The following FAM120AOS variants were observed in gnomAD, a reference collection of about 807,000 sequenced individuals.
FAM120AOS encodes family with sequence similarity 120 member A opposite strand.
FAM120AOS carries 15 observed loss-of-function variants against 20.2 expected under a neutral mutation model. The ratio of observed to expected loss-of-function variants is 0.74; its 90% confidence interval spans 0.50 to 1.15. The LOEUF (loss-of-function observed/expected upper bound fraction) is 1.15. Ranked by LOEUF, FAM120AOS falls within the 50% of genes most tolerant of loss-of-function variation. The probability of loss-of-function intolerance (pLI) is 0.00; values close to 1 mark genes in which losing one functional copy is unlikely to be tolerated. For missense variants in FAM120AOS, 327 were observed against 351.9 expected, an observed-to-expected ratio of 0.93 and a Z score of 0.57; for synonymous variants, 154 against 154.0, an observed-to-expected ratio of 1.00 and a Z score of 0.00.
rs1304383792 is a variant in FAM120AOS at position 93,443,548 on chromosome 9, T to C, written c.*4063A>G. Among the ~76,000 whole-genome samples, 1 of 152,238 alleles carries C rather than the reference T, an allele frequency of 6.6e-6. No individual in the cohort carries two copies. Among genetic ancestry groups the C allele is most frequent in the Non-Finnish European group, 1.5e-5 (1 of 68,034 alleles). On this transcript the variant is annotated 3_prime_UTR_variant, in exon 3 of 3. Coordinates refer to ENST00000375412, the MANE Select transcript of FAM120AOS (RefSeq NM_198841.4). Reference sequence around the variant, plus strand: ...TTTTATGTTGGGAGACTCTGTGTTCTGCTAAAATTCCCTGAAGAATGTTTC... The same window carrying C: ...TTTTATGTTGGGAGACTCTGTGTTCCGCTAAAATTCCCTGAAGAATGTTTC...
In FAM120AOS at chr9:93,445,575, A is replaced by C. The variant is rs1264788086; in HGVS notation, c.*2036T>G. Among the ~76,000 whole-genome samples the C allele has an allele frequency of 6.7e-6, 1 of 148,506 alleles. No individual in the cohort carries two copies. Among genetic ancestry groups the C allele is most frequent in the East Asian group, 2.0e-4 (1 of 5,032 alleles). ...AATCCTGGTTCTCCAACTTTCATAAAAATCGTTGTTTTTTTTTTTTTTTTT... is the reference window on the plus strand; with the variant it reads ...AATCCTGGTTCTCCAACTTTCATAACAATCGTTGTTTTTTTTTTTTTTTTT... On this transcript the variant is annotated 3_prime_UTR_variant, in exon 3 of 3. Transcript: ENST00000375412.
At chr9:93,450,898 T>A in intron 1 of FAM120AOS, 1 of 1,004,826 alleles carries the variant, frequency 1.0e-6, no homozygotes, top group Admixed American at 2.0e-5. Flanking sequence ...CGTTTCAGTC[T>A]AGCCATTGCG....
At chr9:93,451,929 G>A in intron 1 of FAM120AOS, 1 of 1,489,338 alleles carries the variant, frequency 6.7e-7, no homozygotes, top group South Asian at 1.3e-5. Context: ...GGCGTGCAGG[G>A]CTTCCAGGAC....
rs71364380 is a variant in FAM120AOS at position 93,445,583 on chromosome 9, GTTTTTTTTTTT to G, written c.*2017_*2027del. On this transcript the variant is annotated 3_prime_UTR_variant, in exon 3 of 3. Transcript: ENST00000375412. ...TTCTCCAACTTTCATAAAAATCGTT[GTTTTTTTTTTT>G]TTTTTTTTTTTTTGAGACAAGGCCT... 1.4e-4 allele frequency among the ~76,000 whole-genome samples: 11 copies of G among 80,098 alleles called. No homozygotes were observed. In the East Asian group the frequency reaches 1.7e-3, roughly 12 times the overall value. The allele number at this position is 80,098 out of a possible 152,430, so 52.5% of individuals were successfully genotyped here. A position where few individuals can be genotyped will look rare whatever the true frequency, so the allele number is the denominator to read the frequency against.
chr9:93,450,520 G>T lies in FAM120AOS; in HGVS notation c.643C>A (p.His215Asn), dbSNP rs1358181219. The change falls in exon 2 of 3, where the codon CAC (histidine) becomes AAC (asparagine). Residue 215 changes from histidine to asparagine, a missense_variant. His to Asn is a moderately conservative substitution (Grantham distance 68). This residue lies in a region of FAM120AOS where 86 missense variants were observed against 82.9 expected (regional missense o/e 1.04). Coordinates refer to ENST00000375412, the MANE Select transcript of FAM120AOS (RefSeq NM_198841.4). Reference sequence around the variant, plus strand: ...ATGGGGGCTTCTTTGGCCAAACCGTGCGCGTGCAGGCTCCATGTGCTGGGC... The same window carrying T: ...ATGGGGGCTTCTTTGGCCAAACCGTTCGCGTGCAGGCTCCATGTGCTGGGC... ...LLPSTWSLHA[H>N]GLAKEAPILP... 1 of 1,600,150 alleles carries T rather than the reference G, an allele frequency of 6.2e-7. No individual in the cohort carries two copies. The highest frequency in any genetic ancestry group is 1.8e-5 in the Admixed American group (1 of 56,660).
Position 93,445,702 on chromosome 9 carries a change from C to T in FAM120AOS, c.*1909G>A, listed in dbSNP as rs1856827219. Reference sequence around the variant, plus strand: ...ACCACCTTGGCTCAAGTAGTCTTCCCACCTCAGCCTCCTGAGAAGATGGGA... The same window carrying T: ...ACCACCTTGGCTCAAGTAGTCTTCCTACCTCAGCCTCCTGAGAAGATGGGA... On this transcript the variant is annotated 3_prime_UTR_variant, in exon 3 of 3. Coordinates refer to ENST00000375412, the MANE Select transcript of FAM120AOS (RefSeq NM_198841.4). Among the ~76,000 whole-genome samples, 1 of 150,866 alleles carries T rather than the reference C, an allele frequency of 6.6e-6. No individual in the cohort carries two copies. Among genetic ancestry groups the T allele is most frequent in the Non-Finnish European group, 1.5e-5 (1 of 67,880 alleles).
At position 93,444,286 on chromosome 9, in the gene FAM120AOS, C is replaced by T. The variant is rs139396844; in HGVS notation, c.*3325G>A. 0.051 allele frequency among the ~76,000 whole-genome samples: 7,820 copies of T among 152,120 alleles called. 282 individuals carry two copies. The highest frequency in any genetic ancestry group is 0.073 in the Non-Finnish European group (4,973 of 67,976). ...AACTCCTGACTTCAGGTGATCCACC[C>T]GTCTTGGCCTCCCAAAGTGCTGGGA... On this transcript the variant is annotated 3_prime_UTR_variant, in exon 3 of 3. Coordinates refer to ENST00000375412, the MANE Select transcript of FAM120AOS (RefSeq NM_198841.4).
rs1193696288 is a variant in FAM120AOS at position 93,444,020 on chromosome 9, CAG to C, written c.*3589_*3590del. ...CTGGCTGGAAAGACAGGTTTTCTCTCAGGGGAATTTTTTTGTTTGTTTTTGTT... is the reference window on the plus strand; with the variant it reads ...CTGGCTGGAAAGACAGGTTTTCTCTCGGGAATTTTTTTGTTTGTTTTTGTT... On this transcript the variant is annotated 3_prime_UTR_variant, in exon 3 of 3. Transcript: ENST00000375412. Among the ~76,000 whole-genome samples, 4 of 152,102 alleles carry C rather than the reference CAG, an allele frequency of 2.6e-5. No homozygotes were observed. Among genetic ancestry groups the C allele is most frequent in the African/African-American group, 9.7e-5 (4 of 41,398 alleles).
rs1857364299 is a variant in FAM120AOS, at chr9:93,453,211, G to C, written c.-502C>G. The C allele has an allele frequency of 4.5e-5, 45 of 1,004,702 alleles. No homozygotes were observed. The South Asian group carries it at 1.5e-3, about 33-fold the overall frequency. The allele number at this position is 1,004,702 out of a possible 1,614,324, so 62.2% of individuals were successfully genotyped here. On this transcript the variant is annotated 5_prime_UTR_variant, in exon 1 of 3. Transcript: ENST00000375412. The stretch of plus-strand genomic sequence containing the variant: ...GCAGGATTTATTTTTCGGGTGCACA[G>C]TAAGTATTCAGTGACCTTCAGCGGT...
In FAM120AOS at chr9:93,452,680, A is replaced by G. The variant is rs1362095205; in HGVS notation, c.30T>C (p.Asp10=). The part of the protein sequence containing the change: MGKTKDIGD[D]DTVASEFWSG... ...ACCAGAATTCGGAGGCGACAGTGTC[A>G]TCATCCCCAATATCCTTAGTTTTTC... is the stretch of plus-strand genomic sequence containing the variant. The change falls in exon 1 of 3, where the codon GAT becomes GAC. Residue 10 remains aspartate (D), a synonymous_variant. Coordinates refer to ENST00000375412, the MANE Select transcript of FAM120AOS (RefSeq NM_198841.4). The surrounding 1 kb of genome is among the most constrained non-coding windows in gnomAD (Gnocchi z 7.0). The G allele has an allele frequency of 3.8e-6, 6 of 1,598,654 alleles. No homozygotes were observed. Among genetic ancestry groups the G allele is most frequent in the Non-Finnish European group, 5.1e-6 (6 of 1,179,928 alleles).
chr9:93,453,526 A>T lies in FAM120AOS; in HGVS notation c.-817T>A. The T allele has an allele frequency of 1.0e-6, 1 of 985,438 alleles. No homozygotes were observed. The highest frequency in any genetic ancestry group is 1.2e-6 in the Non-Finnish European group (1 of 829,936). 61.0% of individuals were successfully genotyped at this position (985,438 alleles called of 1,614,324 possible). ...ACTGCTGGAGCTGAAAGTTTGTGAA[A>T]TTCTGTCTTCGCGGTTGCCCCCACT... On this transcript the variant is annotated 5_prime_UTR_variant, in exon 1 of 3. Transcript: ENST00000375412.
At chr9:93,451,594 C>T in intron 1 of FAM120AOS, 4 of 983,642 alleles carry the variant, frequency 4.1e-6, no homozygotes, top group South Asian at 4.6e-5. Context: ...CGCCTGCTAG[C>T]CGGCGGGCCT....
Position 93,453,364 on chromosome 9 carries a change from C to T in FAM120AOS, c.-655G>A, listed in dbSNP as rs1857377610. The T allele has an allele frequency of 2.0e-6, 2 of 985,432 alleles. No individual in the cohort carries two copies. The highest frequency in any genetic ancestry group is 1.2e-6 in the Non-Finnish European group (1 of 830,010). The allele number at this position is 985,432 out of a possible 1,614,324, so 61.0% of individuals were successfully genotyped here. A position where few individuals can be genotyped will look rare whatever the true frequency, so the allele number is the denominator to read the frequency against. ...CCAGCAGTGACTGTGAAGATAAGCA[C>T]ATCCATGATCCTGGACTTCACGTTC... On this transcript the variant is annotated 5_prime_UTR_variant, in exon 1 of 3. The change creates a new upstream start codon in the 5' untranslated region. Transcript: ENST00000375412.
Position 93,443,544 on chromosome 9 carries a change from G to A in FAM120AOS, c.*4067C>T, listed in dbSNP as rs1334843145. Among the ~76,000 whole-genome samples the A allele has an allele frequency of 2.0e-5, 3 of 152,214 alleles. No individual in the cohort carries two copies. Among genetic ancestry groups the A allele is most frequent in the Non-Finnish European group, 4.4e-5 (3 of 68,042 alleles). The stretch of plus-strand genomic sequence containing the variant: ...TCTGTTTTATGTTGGGAGACTCTGT[G>A]TTCTGCTAAAATTCCCTGAAGAATG... On this transcript the variant is annotated 3_prime_UTR_variant, in exon 3 of 3. Transcript: ENST00000375412.
chr9:93,449,748 C>T (rs573665274), intron 2 of FAM120AOS, among the ~76,000 whole-genome samples: 1 of 151,258 alleles, frequency 6.6e-6, no homozygotes. Context: ...GGCCTCCCAA[C>T]GTGCTGGGAT....
rs530975085 is a variant in FAM120AOS, at chr9:93,447,272, C to A, written c.*339G>T. 1.9e-4 allele frequency: 45 copies of A among 232,242 alleles called. No individual in the cohort carries two copies. Among genetic ancestry groups the A allele is most frequent in the African/African-American group, 9.8e-4 (44 of 44,998 alleles). 14.4% of individuals were successfully genotyped at this position (232,242 alleles called of 1,614,324 possible). ...TGTCTGTCTACCTTGGTAGGTTGGG[C>A]TCCTTGAAGAAGGGTTATGTTTTCT... On this transcript the variant is annotated 3_prime_UTR_variant, in exon 3 of 3. Transcript: ENST00000375412.
rs1442284607 is a variant in FAM120AOS at position 93,447,270 on chromosome 9, G to C, written c.*341C>G. The C allele has an allele frequency of 1.3e-5, 3 of 230,392 alleles. No homozygotes were observed. The highest frequency in any genetic ancestry group is 6.7e-5 in the African/African-American group (3 of 44,816). The allele number at this position is 230,392 out of a possible 1,614,324, so 14.3% of individuals were successfully genotyped here. A position where few individuals can be genotyped will look rare whatever the true frequency, so the allele number is the denominator to read the frequency against. ...TATGTCTGTCTACCTTGGTAGGTTG[G>C]GCTCCTTGAAGAAGGGTTATGTTTT... On this transcript the variant is annotated 3_prime_UTR_variant, in exon 3 of 3. Transcript: ENST00000375412.
intron 1 of FAM120AOS, chr9:93,451,877 C>A (rs1197889575): frequency 8.5e-7 from 1 of 1,178,368 alleles, no homozygotes. Flanking sequence ...GGCCCCGCCG[C>A]CCCCCGCCCG....
chr9:93,450,620 G>A (rs372881078), intron 1 of FAM120AOS, 21 bp from the exon 2 acceptor site: 1 of 1,606,898 alleles, frequency 6.2e-7, no homozygotes, highest in South Asian at 1.1e-5. Context: ...AGAACAAATG[G>A]AGAGATGAAG....
Sources: gnomAD v4.1 joint callset for allele counts (sites outside exome capture counted in the v4.1 genomes callset) on GRCh38, gnomAD v4.1.1 for gene constraint, gnomAD v4.1.1 regional missense constraint, Gnocchi (gnomAD v3.1) non-coding constraint, MANE v1.5 for transcripts, NCBI Gene and HGNC (gene_info 2026-07-23, HGNC 2026-07-21) for gene names.